Variants in ABCA8 observed in about 807,000 individuals in gnomAD.
ABCA8 encodes ABC-type organic anion transporter ABCA8.
ABCA8 carries 177 observed loss-of-function variants against 192.3 expected under a neutral mutation model. That is an observed-to-expected ratio of 0.92 (90% CI 0.81 to 1.04). The LOEUF (loss-of-function observed/expected upper bound fraction) is 1.04, where lower values mean the gene tolerates loss of function less well. Ranked by LOEUF, ABCA8 falls within the 50% of genes least tolerant of loss-of-function variation. ABCA8 has a pLI of 0.00. For synonymous variants in ABCA8, 642 were observed against 690.2 expected, an observed-to-expected ratio of 0.93 and a Z score of 1.09; for missense variants, 1,915 against 1,904.8, an observed-to-expected ratio of 1.01 and a Z score of -0.10.
chr17:68,939,403 G>T (rs1465518303), intron 4 of ABCA8, among the ~76,000 whole-genome samples: 1 of 151,784 alleles, frequency 6.6e-6, no homozygotes, highest in Non-Finnish European at 1.5e-5. Context: ...CAACAAGTGG[G>T]CAATGAAAAT....
chr17:68,943,307 A>C (rs1015643966), intron 2 of ABCA8, among the ~76,000 whole-genome samples: 3 of 152,170 alleles, frequency 2.0e-5, no homozygotes, highest in African/African-American at 7.2e-5. Flanking sequence ...TTTATTATGC[A>C]GAGTCATCAG....
intron 17 of ABCA8, among the ~76,000 whole-genome samples, chr17:68,914,875 T>A (rs991488564): frequency 1.1e-4 from 14 of 125,872 alleles, no homozygotes; most frequent in African/African-American, 4.9e-4. Flanking sequence ...AGGAATCACA[T>A]CATCGGACTT....
At chr17:68,893,239 T>G (rs1375411659) in intron 23 of ABCA8, among the ~76,000 whole-genome samples, 1 of 152,226 alleles carries the variant, frequency 6.6e-6, no homozygotes, top group Non-Finnish European at 1.5e-5. Flanking sequence ...ATGATCTATG[T>G]GCTCAAAGAA....
chr17:68,928,195 T>C, intron 9 of ABCA8, 132 bp from the exon 10 acceptor site: 1 of 641,434 alleles, frequency 1.6e-6, no homozygotes, highest in Non-Finnish European at 2.4e-6. Flanking sequence ...GGAGACTGCC[T>C]CCTTTATGGT....
At chr17:68,935,339 A>T (rs1444967064) in intron 5 of ABCA8, among the ~76,000 whole-genome samples, 1 of 147,252 alleles carries the variant, frequency 6.8e-6, no homozygotes, top group African/African-American at 2.6e-5. Context: ...CTGATCTCGA[A>T]CTCTTGAGCT....
chr17:68,900,890 C>T (rs1298698145), intron 21 of ABCA8, among the ~76,000 whole-genome samples: 1 of 151,896 alleles, frequency 6.6e-6, no homozygotes, highest in East Asian at 1.9e-4. Flanking sequence ...CAAAAAAAAA[C>T]TAGAAAAAGA....
In ABCA8 at chr17:68,932,283, C is replaced by T; in HGVS notation, c.797+5G>A. The T allele has an allele frequency of 1.9e-6, 3 of 1,600,842 alleles. No individual in the cohort carries two copies. Among genetic ancestry groups the T allele is most frequent in the Non-Finnish European group, 2.6e-6 (3 of 1,169,724 alleles). On this transcript the variant is annotated splice_donor_5th_base_variant and intron_variant, in intron 7 of 39. Coordinates refer to ENST00000586539, the MANE Select transcript of ABCA8 (RefSeq NM_001288985.2). ...GTTTATTTATTTGTGCTGCGTTTGACTCACCAGAACGCTGAATCCCGAAGA... is the reference window on the plus strand; with the variant it reads ...GTTTATTTATTTGTGCTGCGTTTGATTCACCAGAACGCTGAATCCCGAAGA...
Position 68,868,063 on chromosome 17 carries a change from C to G in ABCA8, c.*22G>C. 1.9e-6 allele frequency: 3 copies of G among 1,559,990 alleles called. No homozygotes were observed. The highest frequency in any genetic ancestry group is 2.6e-6 in the Non-Finnish European group (3 of 1,150,332). ...ATTTAAAAAAAACCACGGGTTTAAA[C>G]AGGAACACAGAATTTGGGGTTTTAA... On this transcript the variant is annotated 3_prime_UTR_variant, in exon 40 of 40. Coordinates refer to ENST00000586539, the MANE Select transcript of ABCA8 (RefSeq NM_001288985.2).
chr17:68,925,798 T>A (rs1258826639), intron 10 of ABCA8, among the ~76,000 whole-genome samples: 1 of 152,220 alleles, frequency 6.6e-6, no homozygotes, highest in Non-Finnish European at 1.5e-5. Flanking sequence ...AGATTTACCA[T>A]GAAATAATGC....
intron 17 of ABCA8, 74 bp from the exon 18 acceptor site, chr17:68,907,953 G>T: frequency 1.5e-6 from 2 of 1,341,258 alleles, no homozygotes; most frequent in Non-Finnish European, 2.0e-6. Context: ...TAATTAACTA[G>T]TCTCTATAGG....
rs181191247 is a variant in ABCA8, at chr17:68,881,458, T to G, written c.3947-247A>C. ...AAACCACTCTTGGAAGCCAAGTGTTTCAGATTCTGTCTCCTGTGATCCTAA... is the reference window on the plus strand; with the variant it reads ...AAACCACTCTTGGAAGCCAAGTGTTGCAGATTCTGTCTCCTGTGATCCTAA... On this transcript the variant is annotated intron_variant, in intron 31 of 39. Transcript: ENST00000586539. Among the ~76,000 whole-genome samples the G allele has an allele frequency of 2.3e-3, 352 of 152,318 alleles. 8 individuals carry two copies. Among genetic ancestry groups the G allele is most frequent in the Non-Finnish European group, 6.8e-4 (46 of 68,024 alleles).
chr17:68,912,157 A>T (rs769154045), intron 17 of ABCA8, among the ~76,000 whole-genome samples: 2 of 152,240 alleles, frequency 1.3e-5, no homozygotes, highest in Non-Finnish European at 2.9e-5. Context: ...AAGATATGTG[A>T]CTTTTCAGAC....
intron 31 of ABCA8, 54 bp downstream of exon 31, chr17:68,881,809 C>A: frequency 2.3e-6 from 3 of 1,314,418 alleles, no homozygotes; most frequent in Non-Finnish European, 3.3e-6. Context: ...CATTAGGAAC[C>A]AGGAACCTCT....
chr17:68,940,748 GA>G lies in ABCA8; in HGVS notation c.301+9del, dbSNP rs1484647668. 1.9e-6 allele frequency: 3 copies of G among 1,608,152 alleles called. No homozygotes were observed. The Admixed American group carries it at 5.0e-5, about 27-fold the overall frequency. On this transcript the variant is annotated intron_variant, in intron 4 of 39. Coordinates refer to ENST00000586539, the MANE Select transcript of ABCA8 (RefSeq NM_001288985.2). ...ACCAGACATTCTTCTTAAGTAACTA[GA>G]AAACTTACCTGCCAGGAAGGGAGTA...
At position 68,877,595 on chromosome 17, in the gene ABCA8, T is replaced by C. The variant is rs780005457; in HGVS notation, c.4123A>G (p.Thr1375Ala). The C allele has an allele frequency of 6.2e-7, 1 of 1,614,118 alleles. No individual in the cohort carries two copies. Among genetic ancestry groups the C allele is most frequent in the Non-Finnish European group, 8.5e-7 (1 of 1,180,006 alleles). The stretch of plus-strand genomic sequence containing the variant: ...TACACCTCCAGGTGCTGCCTCACTG[T>C]CAGGTTGGGCCACAGCGCGTTCTCC... ...PQENALWPNLTVRQHLEVYAA... is the reference protein window; with the variant it reads ...PQENALWPNLAVRQHLEVYAA... The change falls in exon 33 of 40, where the codon ACA (threonine) becomes GCA (alanine). Residue 1375 changes from threonine to alanine, a missense_variant. Transcript: ENST00000586539.
In ABCA8 at chr17:68,885,235, T is replaced by C. The variant is rs185585618; in HGVS notation, c.3510A>G (p.Pro1170=). ...DIPFIFTFLI[P]PATMIGCLFL... Reference sequence around the variant, plus strand: ...ACAAACAGCCAATCATTGTGGCAGGTGGTATTAAAAAAGTGAAGATAAATG... The same window carrying C: ...ACAAACAGCCAATCATTGTGGCAGGCGGTATTAAAAAAGTGAAGATAAATG... Residue 1170 remains proline, a synonymous_variant, in exon 27 of 40, where the codon CCA becomes CCG. Coordinates refer to ENST00000586539, the MANE Select transcript of ABCA8 (RefSeq NM_001288985.2). 5 of 1,606,088 alleles carry C rather than the reference T, an allele frequency of 3.1e-6. No individual in the cohort carries two copies. In the African/African-American group the frequency reaches 6.7e-5, roughly 21 times the overall value.
intron 2 of ABCA8, among the ~76,000 whole-genome samples, chr17:68,948,131 T>C (rs34321560): frequency 0.014 from 2,176 of 152,364 alleles, 24 homozygotes; most frequent in Middle Eastern, 0.037. Flanking sequence ...ACACTTTCTT[T>C]AGCCAGTCTA....
chr17:68,895,566 G>A (rs1334556023), intron 21 of ABCA8, among the ~76,000 whole-genome samples: 3 of 152,142 alleles, frequency 2.0e-5, no homozygotes, highest in Non-Finnish European at 2.9e-5. Context: ...TTAAATCTCA[G>A]TAAGAACACT....
In ABCA8 at chr17:68,902,730, A is replaced by T. The variant is rs1322233697; in HGVS notation, c.2747T>A (p.Leu916Gln). 1 of 1,613,256 alleles carries T rather than the reference A, an allele frequency of 6.2e-7. No homozygotes were observed. The highest frequency in any genetic ancestry group is 8.5e-7 in the Non-Finnish European group (1 of 1,179,476). Residue 916 changes from leucine (L) to glutamine (Q), a missense_variant, in exon 21 of 40, where the codon CTG (leucine) becomes CAG (glutamine). Transcript: ENST00000586539. ...CATTTTACCTGTTTTATTGATGATC[A>T]GTAGTTGAGTGAGAGGGTCATGTGG... ...QQPHDPLTQL[L>Q]IINKTGASID...
Sources: gnomAD v4.1 joint callset for allele counts (sites outside exome capture counted in the v4.1 genomes callset) on GRCh38, gnomAD v4.1.1 for gene constraint, MANE v1.5 for transcripts, NCBI Gene and HGNC (gene_info 2026-07-23, HGNC 2026-07-21) for gene names.